TRAF3IP1: variants seen among roughly 807,000 people sequenced by gnomAD.
The protein encoded by TRAF3IP1 is intraflagellar transport 54, also known as TRAF3-interacting protein 1.
A neutral mutation model predicts 89.9 loss-of-function variants in TRAF3IP1; 53 were observed. The observed-to-expected ratio is 0.59, with a 90% CI of 0.47 to 0.74. TRAF3IP1 has a LOEUF of 0.74. Among genes scored for constraint, TRAF3IP1 ranks in the 30% least tolerant of loss-of-function variants. The pLI, the probability that TRAF3IP1 is intolerant of heterozygous loss-of-function variation, is 0.00. For missense variants in TRAF3IP1, 806 were observed against 866.1 expected, an observed-to-expected ratio of 0.93 and a Z score of 0.87; for synonymous variants, 311 against 322.1, an observed-to-expected ratio of 0.97 and a Z score of 0.37.
intron 15 of TRAF3IP1, among the ~76,000 whole-genome samples, chr2:238,392,628 A>G (rs548493531): frequency 6.6e-6 from 1 of 151,670 alleles, no homozygotes; most frequent in East Asian, 1.9e-4. Flanking sequence ...GCTGGAGTGC[A>G]ATGGCGTGAT....
At chr2:238,363,355 G>T (rs1699740446) in intron 15 of TRAF3IP1, among the ~76,000 whole-genome samples, 2 of 151,870 alleles carry the variant, frequency 1.3e-5, no homozygotes, top group South Asian at 2.1e-4. Context: ...TAAATTCCTT[G>T]AATATTGAAA....
At chr2:238,343,656 TTTTTTTTTTTC>T (rs1698761306) in intron 8 of TRAF3IP1, among the ~76,000 whole-genome samples, 1 of 149,698 alleles carries the variant, frequency 6.7e-6, no homozygotes, top group African/African-American at 2.5e-5. Context: ...CTTTTTTTTT[TTTTTTTTTTTC>T]CCCGAGATAG....
At chr2:238,343,539 G>C (rs1447796136) in intron 8 of TRAF3IP1, among the ~76,000 whole-genome samples, 2 of 151,876 alleles carry the variant, frequency 1.3e-5, no homozygotes, top group Non-Finnish European at 2.9e-5. Flanking sequence ...CTGCCACCAT[G>C]CCTAGCTAAT....
rs1448730349 is a variant in TRAF3IP1, at chr2:238,349,379, A to G, written c.1422A>G (p.Gln474=). The G allele has an allele frequency of 1.2e-6, 2 of 1,614,206 alleles. No homozygotes were observed. The highest frequency in any genetic ancestry group is 3.3e-5 in the Admixed American group (2 of 60,022). ...CAGCCCCTCCCCGGGTCAAACGGCAAGACAGCATGGAGGCGCTACAAATGG... is the reference window on the plus strand; with the variant it reads ...CAGCCCCTCCCCGGGTCAAACGGCAGGACAGCATGGAGGCGCTACAAATGG... ...ARPAPPRVKR[Q]DSMEALQMDR... Residue 474 remains glutamine (Q), a synonymous_variant, in exon 12 of 17, where the codon CAA becomes CAG. Coordinates refer to ENST00000373327, the MANE Select transcript of TRAF3IP1 (RefSeq NM_015650.4).
chr2:238,347,070 C>T (rs1006074367), intron 9 of TRAF3IP1: 11 of 185,624 alleles, frequency 5.9e-5, no homozygotes, highest in South Asian at 4.7e-4. Flanking sequence ...TGGAACGGCC[C>T]GGGATTTGGT....
At chr2:238,367,654 G>A (rs1384930459) in intron 15 of TRAF3IP1, among the ~76,000 whole-genome samples, 1 of 152,140 alleles carries the variant, frequency 6.6e-6, no homozygotes, top group Non-Finnish European at 1.5e-5. Flanking sequence ...CTGCGCCACC[G>A]AGCCCTCTCT....
chr2:238,398,393 G>A lies in TRAF3IP1; in HGVS notation c.1911-361G>A, dbSNP rs972955620. Among the ~76,000 whole-genome samples, 13 of 148,590 alleles carry A rather than the reference G, an allele frequency of 8.7e-5. No homozygotes were observed. The East Asian group carries it at 2.2e-3, about 26-fold the overall frequency. On this transcript the variant is annotated intron_variant, in intron 16 of 16. Transcript: ENST00000373327. ...GCAGGAGCAGAGGTAGGGGTGTAGC[G>A]GAGTGGGGCAGTAATGGGGAAGAGG...
At position 238,400,622 on chromosome 2, in the gene TRAF3IP1, G is replaced by A. The variant is rs1701422659; in HGVS notation, c.*1703G>A. The A allele has an allele frequency of 1.3e-5, 2 of 152,140 alleles. No homozygotes were observed. The highest frequency in any genetic ancestry group is 6.5e-5 in the Admixed American group (1 of 15,272). The allele number at this position is 152,140 out of a possible 1,614,324, so 9.4% of individuals were successfully genotyped here. Reference sequence around the variant, plus strand: ...TATATTACATACATTTTGGGGGAGTGGAGGGACATGAGTTAAGTAGCCCTT... The same window carrying A: ...TATATTACATACATTTTGGGGGAGTAGAGGGACATGAGTTAAGTAGCCCTT... On this transcript the variant is annotated 3_prime_UTR_variant, in exon 17 of 17. Transcript: ENST00000373327.
intron 15 of TRAF3IP1, among the ~76,000 whole-genome samples, chr2:238,395,119 G>A (rs1009051354): frequency 2.6e-5 from 4 of 152,100 alleles, no homozygotes; most frequent in African/African-American, 9.7e-5. Context: ...TAATCCCAGC[G>A]CTTTGGGAGG....
At chr2:238,353,964 G>T (rs1465619952) in intron 14 of TRAF3IP1, among the ~76,000 whole-genome samples, 3 of 152,162 alleles carry the variant, frequency 2.0e-5, no homozygotes, top group Non-Finnish European at 4.4e-5. Flanking sequence ...AGTAGAGACA[G>T]GTTTTCGCTA....
intron 5 of TRAF3IP1, among the ~76,000 whole-genome samples, chr2:238,331,612 T>C (rs1357846488): frequency 1.3e-5 from 2 of 152,220 alleles, no homozygotes; most frequent in African/African-American, 4.8e-5. Flanking sequence ...AGGCTGTTGC[T>C]TACTTGGCTG....
intron 15 of TRAF3IP1, among the ~76,000 whole-genome samples, chr2:238,383,449 A>G (rs11675081): frequency 0.28 from 42,465 of 152,112 alleles, 6,055 homozygotes; most frequent in African/African-American, 0.29. Flanking sequence ...GTCAGTCATC[A>G]TCCAACAGGT....
At chr2:238,323,379 T>C (rs1697657978) in intron 1 of TRAF3IP1, among the ~76,000 whole-genome samples, 1 of 152,160 alleles carries the variant, frequency 6.6e-6, no homozygotes, top group Admixed American at 6.5e-5. Flanking sequence ...GTACCCAGCC[T>C]ATTGCTCACA....
chr2:238,387,705 A>G lies in TRAF3IP1; in HGVS notation c.1690-9754A>G, dbSNP rs115643190. 2.7e-3 allele frequency among the ~76,000 whole-genome samples: 418 copies of G among 152,370 alleles called. 2 individuals carry two copies. Among genetic ancestry groups the G allele is most frequent in the African/African-American group, 9.5e-3 (395 of 41,590 alleles). On this transcript the variant is annotated intron_variant, in intron 15 of 16. Transcript: ENST00000373327. ...TTGTCCGTCAGTGGCAGAATGGATG[A>G]ATAGTGGTATTTCATTCATATAATA...
intron 15 of TRAF3IP1, among the ~76,000 whole-genome samples, chr2:238,391,271 A>G (rs576882247): frequency 7.4e-4 from 113 of 152,348 alleles, no homozygotes; most frequent in African/African-American, 2.5e-3. Context: ...CAGATTTTCA[A>G]TAATTAACAC....
At chr2:238,347,168 CTTGTTA>C in intron 9 of TRAF3IP1, 1 of 367,946 alleles carries the variant, frequency 2.7e-6, no homozygotes, top group Non-Finnish European at 4.9e-6. Context: ...GTCTCATGAA[CTTGTTA>C]ACTTCCTCTC....
chr2:238,377,138 C>T lies in TRAF3IP1; in HGVS notation c.1690-20321C>T, dbSNP rs115324534. On this transcript the variant is annotated intron_variant, in intron 15 of 16. Transcript: ENST00000373327. Reference sequence around the variant, plus strand: ...TCCAGTCTTAGGCATTTAATTCCCTCTTACTGTTGCATTTCTGTGGCTAGG... The same window carrying T: ...TCCAGTCTTAGGCATTTAATTCCCTTTTACTGTTGCATTTCTGTGGCTAGG... Among the ~76,000 whole-genome samples the T allele has an allele frequency of 4.9e-3, 740 of 151,744 alleles. 6 individuals carry two copies. Among genetic ancestry groups the T allele is most frequent in the African/African-American group, 0.017 (715 of 41,368 alleles).
intron 15 of TRAF3IP1, among the ~76,000 whole-genome samples, chr2:238,374,990 T>C (rs181498986): frequency 2.6e-4 from 40 of 152,332 alleles, no homozygotes; most frequent in Middle Eastern, 3.4e-3. Flanking sequence ...CTTTATCATT[T>C]TTTATTGCAT....
At chr2:238,380,686 G>T (rs1277954857) in intron 15 of TRAF3IP1, among the ~76,000 whole-genome samples, 1 of 152,096 alleles carries the variant, frequency 6.6e-6, no homozygotes, top group East Asian at 1.9e-4. Context: ...TTCACCCCCG[G>T]CCCCAAGGTG....
Sources: allele counts gnomAD v4.1 joint callset (sites outside exome capture counted in the v4.1 genomes callset), GRCh38; gene constraint gnomAD v4.1.1; transcripts MANE v1.5; gene names NCBI Gene and HGNC (gene_info 2026-07-23, HGNC 2026-07-21).